RBPMS: variants seen among roughly 807,000 people sequenced by gnomAD.
The protein encoded by RBPMS is RNA binding protein, mRNA processing factor.
Under a neutral mutation model 26.8 loss-of-function variants are expected in RBPMS, and 7 were observed. The ratio of observed to expected loss-of-function variants is 0.26; its 90% CI spans 0.15 to 0.49. The LOEUF (loss-of-function observed/expected upper bound fraction) is 0.49, where lower values mean the gene tolerates loss of function less well. Ranked by LOEUF, RBPMS falls within the 20% of genes least tolerant of loss-of-function variation. The probability of loss-of-function intolerance (pLI) is 0.98; values close to 1 mark genes in which losing one functional copy is unlikely to be tolerated. For synonymous variants in RBPMS, 96 were observed against 93.3 expected (o/e 1.03, Z -0.17); for missense variants, 186 against 250.0 (o/e 0.74, Z 1.73).
chr8:30,391,340 C>G (rs1476312022), intron 1 of RBPMS, among the ~76,000 whole-genome samples: 1 of 152,222 alleles, frequency 6.6e-6, no homozygotes, highest in Non-Finnish European at 1.5e-5. Flanking sequence ...CCCAAACAAG[C>G]CTGCTCTGTG....
intron 7 of RBPMS, among the ~76,000 whole-genome samples, 169 bp downstream of exon 7, chr8:30,559,125 G>C (rs1334852206): frequency 6.6e-6 from 1 of 152,124 alleles, no homozygotes; most frequent in Admixed American, 6.5e-5. Flanking sequence ...CATCTTTTCC[G>C]AGAGGAAATT....
At chr8:30,567,264 A>T (rs754748140) in intron 8 of RBPMS, among the ~76,000 whole-genome samples, 1 of 152,200 alleles carries the variant, frequency 6.6e-6, no homozygotes, top group Non-Finnish European at 1.5e-5. Flanking sequence ...AAGTCACTTC[A>T]TACTCCGACG....
intron 5 of RBPMS, among the ~76,000 whole-genome samples, chr8:30,506,758 T>A (rs1821108398): frequency 6.6e-6 from 1 of 152,232 alleles, no homozygotes; most frequent in Non-Finnish European, 1.5e-5. Flanking sequence ...TTTTGGTTAC[T>A]GTTTTTATAT....
intron 4 of RBPMS, among the ~76,000 whole-genome samples, chr8:30,494,464 A>G (rs745858856): frequency 1.3e-4 from 12 of 90,082 alleles, no homozygotes; most frequent in Non-Finnish European, 2.1e-4. Flanking sequence ...AATCTTTACA[A>G]TGAATGCTAT....
intron 1 of RBPMS, among the ~76,000 whole-genome samples, chr8:30,461,425 C>T (rs1004022694): frequency 1.3e-5 from 2 of 152,140 alleles, no homozygotes; most frequent in African/African-American, 4.8e-5. Flanking sequence ...GATGAAGCCT[C>T]GCCCTGTCGC....
At chr8:30,570,457 A>G (rs1828196182) in intron 8 of RBPMS, among the ~76,000 whole-genome samples, 180 bp from the exon 9 acceptor site, 1 of 152,216 alleles carries the variant, frequency 6.6e-6, no homozygotes. Context: ...GACTTGCCCC[A>G]TGTTTCTAAT....
chr8:30,560,495 G>A (rs1342599524), intron 7 of RBPMS, among the ~76,000 whole-genome samples: 2 of 152,188 alleles, frequency 1.3e-5, no homozygotes, highest in African/African-American at 2.4e-5. Flanking sequence ...TTGAGAGAGA[G>A]CGCTCTGTGC....
chr8:30,492,188 A>C (rs189058164), intron 4 of RBPMS, among the ~76,000 whole-genome samples: 44 of 152,306 alleles, frequency 2.9e-4, no homozygotes, highest in Admixed American at 5.2e-4. Context: ...CACTGCGCCC[A>C]GCCGACACAC....
intron 1 of RBPMS, among the ~76,000 whole-genome samples, chr8:30,420,764 A>G (rs1458826702): frequency 2.0e-5 from 3 of 152,204 alleles, no homozygotes; most frequent in Non-Finnish European, 2.9e-5. Flanking sequence ...AAAATGAGAA[A>G]AGGAAAATCT....
At chr8:30,502,240 G>T (rs1376830598) in intron 4 of RBPMS, among the ~76,000 whole-genome samples, 2 of 150,372 alleles carry the variant, frequency 1.3e-5, no homozygotes, top group Non-Finnish European at 3.0e-5. Context: ...GAAGAAGGGG[G>T]CAGGGAGTAG....
chr8:30,549,610 C>A, intron 6 of RBPMS: 1 of 1,581,530 alleles, frequency 6.3e-7, no homozygotes, highest in Non-Finnish European at 8.7e-7. Context: ...GAGCACCTGG[C>A]TTAGCTCTCA....
At chr8:30,561,888 T>A (rs1367414893) in intron 7 of RBPMS, 1 of 985,178 alleles carries the variant, frequency 1.0e-6, no homozygotes, top group Non-Finnish European at 1.2e-6. Context: ...GTGACAGAGA[T>A]CCTGGGTTTC....
At chr8:30,511,525 A>T (rs71506509) in intron 5 of RBPMS, among the ~76,000 whole-genome samples, 3 of 12,292 alleles carry the variant, frequency 2.4e-4, no homozygotes, top group Admixed American at 2.1e-3. Flanking sequence ...ATATATATAT[A>T]TTTCTGTGTG....
intron 1 of RBPMS, among the ~76,000 whole-genome samples, chr8:30,417,857 T>C (rs1810282109): frequency 6.6e-6 from 1 of 152,232 alleles, no homozygotes; most frequent in African/African-American, 2.4e-5. Context: ...ACATTTTAAC[T>C]TTTTAGAATT....
intron 6 of RBPMS, chr8:30,552,987 T>G (rs1477672448): frequency 6.6e-6 from 1 of 152,270 alleles, no homozygotes; most frequent in Non-Finnish European, 1.5e-5. Flanking sequence ...GAGCATGGCC[T>G]CCTCCAGCTA....
chr8:30,448,552 G>C (rs1814146256), intron 1 of RBPMS, among the ~76,000 whole-genome samples: 1 of 152,164 alleles, frequency 6.6e-6, no homozygotes, highest in South Asian at 2.1e-4. Flanking sequence ...GATGAAAGCA[G>C]CAGTGCACGA....
chr8:30,558,399 C>A, intron 6 of RBPMS: 1 of 194,000 alleles, frequency 5.2e-6, no homozygotes. Context: ...AGCTGGAACC[C>A]TTTTTTTAAA....
chr8:30,421,733 G>A (rs1392244505), intron 1 of RBPMS, among the ~76,000 whole-genome samples: 2 of 152,064 alleles, frequency 1.3e-5, no homozygotes, highest in South Asian at 2.1e-4. Flanking sequence ...GAGGCAGGTG[G>A]ATCACAAGGT....
At chr8:30,516,771 G>GCC in intron 5 of RBPMS, among the ~76,000 whole-genome samples, 1 of 152,132 alleles carries the variant, frequency 6.6e-6, no homozygotes, top group Admixed American at 6.6e-5. Context: ...GCATACGCCT[G>GCC]TAGTCCCAGC....
Sources: allele counts gnomAD v4.1 joint callset (sites outside exome capture counted in the v4.1 genomes callset), GRCh38; gene constraint gnomAD v4.1.1; transcripts MANE v1.5; gene names NCBI Gene and HGNC (gene_info 2026-07-23, HGNC 2026-07-21).